The following ATP6V1A variants were observed in gnomAD, a reference collection of about 807,000 sequenced individuals.
ATP6V1A encodes ATPase H+ transporting V1 subunit A.
In ATP6V1A, 18 loss-of-function variants were observed where a neutral mutation model predicts 70.1. That is an observed-to-expected ratio of 0.26 (90% CI 0.18 to 0.38). The LOEUF (loss-of-function observed/expected upper bound fraction) is 0.38, where lower values mean the gene tolerates loss of function less well. Ranked by LOEUF, ATP6V1A falls within the 10% of genes least tolerant of loss-of-function variation. ATP6V1A has a pLI of 1.00. For synonymous variants in ATP6V1A, 232 were observed against 253.8 expected (o/e 0.91, Z 0.82); for missense variants, 424 against 772.4 (o/e 0.55, Z 5.35).
At chr3:113,788,917 CTCA>C (rs1408174983) in intron 7 of ATP6V1A, 42 bp downstream of exon 7, 3 of 1,549,944 alleles carry the variant, frequency 1.9e-6, no homozygotes. Flanking sequence ...GAAAATACCA[CTCA>C]TCAGTGTTCA....
intron 8 of ATP6V1A, 131 bp downstream of exon 8, chr3:113,789,971 T>TA: frequency 1.6e-6 from 1 of 645,120 alleles, no homozygotes; most frequent in Non-Finnish European, 2.5e-6. Flanking sequence ...TCCTAGCTTT[T>TA]AAAAAATATT....
At chr3:113,781,279 G>A in intron 3 of ATP6V1A, 101 bp downstream of exon 3, 1 of 1,330,570 alleles carries the variant, frequency 7.5e-7, no homozygotes, top group Non-Finnish European at 9.9e-7. Flanking sequence ...AGCACTTTGG[G>A]AGGCAGGCAG....
chr3:113,752,265 G>A (rs537620824), intron 1 of ATP6V1A, among the ~76,000 whole-genome samples: 89 of 151,830 alleles, frequency 5.9e-4, no homozygotes, highest in Middle Eastern at 3.4e-3. Flanking sequence ...TTAGTTCTTA[G>A]TTTAATTTTT....
At chr3:113,800,180 C>T (rs368116021) in intron 12 of ATP6V1A, among the ~76,000 whole-genome samples, 27 of 149,526 alleles carry the variant, frequency 1.8e-4, no homozygotes, top group African/African-American at 6.4e-4. Flanking sequence ...TGCAGTGAGC[C>T]GAAATCACGC....
At chr3:113,807,899 C>T (rs951322384) in intron 14 of ATP6V1A, among the ~76,000 whole-genome samples, 2 of 151,854 alleles carry the variant, frequency 1.3e-5, no homozygotes, top group African/African-American at 2.4e-5. Context: ...TTTGGCAGGC[C>T]GAGGCGGGTG....
At position 113,789,752 on chromosome 3, in the gene ATP6V1A, T is replaced by A; in HGVS notation, c.900T>A (p.Gly300=). Residue 300 remains glycine, a synonymous_variant, in exon 8 of 15, where the codon GGT becomes GGA. Transcript: ENST00000273398. Reference sequence around the variant, plus strand: ...TCTAGCTCACAATGGAGGTTGATGGTAAGGTAGAGTCAATTATGAAGAGGA... The same window carrying A: ...TCTAGCTCACAATGGAGGTTGATGGAAAGGTAGAGTCAATTATGAAGAGGA... ...DFPELTMEVD[G]KVESIMKRTA... 6.2e-7 allele frequency: 1 copy of A among 1,611,320 alleles called. No individual in the cohort carries two copies. Among genetic ancestry groups the A allele is most frequent in the Non-Finnish European group, 8.5e-7 (1 of 1,177,654 alleles).
At chr3:113,779,755 C>T (rs1708958200) in intron 2 of ATP6V1A, among the ~76,000 whole-genome samples, 2 of 152,120 alleles carry the variant, frequency 1.3e-5, no homozygotes, top group South Asian at 4.1e-4. Context: ...ACCCAAGAAC[C>T]TTTAGAGAAA....
chr3:113,762,571 A>G (rs1180892024), intron 1 of ATP6V1A, among the ~76,000 whole-genome samples: 1 of 152,144 alleles, frequency 6.6e-6, no homozygotes, highest in African/African-American at 2.4e-5. Flanking sequence ...TCCATCTCAA[A>G]AAAAAAAATG....
intron 12 of ATP6V1A, chr3:113,803,179 G>C (rs1306631370): frequency 6.1e-6 from 1 of 163,778 alleles, no homozygotes; most frequent in African/African-American, 2.4e-5. Context: ...GACAAACACT[G>C]TATGATTTCA....
At chr3:113,775,572 G>GT (rs1708901790) in intron 1 of ATP6V1A, among the ~76,000 whole-genome samples, 1 of 130,206 alleles carries the variant, frequency 7.7e-6, no homozygotes, top group African/African-American at 2.9e-5. Context: ...TCGCAAGTCT[G>GT]GTGGGTAGGT....
intron 3 of ATP6V1A, among the ~76,000 whole-genome samples, chr3:113,782,573 C>T (rs2465281): frequency 0.38 from 53,603 of 140,910 alleles, 10,200 homozygotes; most frequent in African/African-American, 0.45. Flanking sequence ...TATATATATA[C>T]GTATATATAT....
At chr3:113,779,992 A>C (rs1424522654) in intron 2 of ATP6V1A, among the ~76,000 whole-genome samples, 2 of 152,142 alleles carry the variant, frequency 1.3e-5, no homozygotes, top group Non-Finnish European at 2.9e-5. Context: ...CACGTGCGTT[A>C]GGTATTTGTC....
intron 1 of ATP6V1A, among the ~76,000 whole-genome samples, chr3:113,747,741 CAG>C (rs1485804487): frequency 6.6e-6 from 1 of 152,218 alleles, no homozygotes; most frequent in African/African-American, 2.4e-5. Context: ...TTCTTCTCTG[CAG>C]AGAGGACAGT....
Position 113,751,851 on chromosome 3 carries a change from G to T in ATP6V1A, c.-14+4738G>T, listed in dbSNP as rs112420032. ...TTAGAATAATGATTTATTTACATTT[G>T]AAACTCCTCTTTCTGTATATTTCTT... On this transcript the variant is annotated intron_variant, in intron 1 of 14. Transcript: ENST00000273398. Among the ~76,000 whole-genome samples, 542 of 151,824 alleles carry T rather than the reference G, an allele frequency of 3.6e-3. 2 individuals are homozygous for T. The highest frequency in any genetic ancestry group is 0.013 in the African/African-American group (519 of 41,506).
intron 12 of ATP6V1A, 116 bp downstream of exon 12, chr3:113,798,562 T>A: frequency 1.2e-6 from 1 of 865,426 alleles, no homozygotes; most frequent in Non-Finnish European, 1.6e-6. Context: ...ATTTATTAAA[T>A]ATTTTTAATT....
At chr3:113,749,427 G>T (rs1708561008) in intron 1 of ATP6V1A, among the ~76,000 whole-genome samples, 3 of 152,062 alleles carry the variant, frequency 2.0e-5, no homozygotes, top group African/African-American at 7.2e-5. Context: ...AAGCATAAGG[G>T]TTTGGTTTTA....
Position 113,786,221 on chromosome 3 carries a change from T to C in ATP6V1A, c.565-11T>C, listed in dbSNP as rs755119824. 12 of 1,596,204 alleles carry C rather than the reference T, an allele frequency of 7.5e-6. No individual in the cohort carries two copies. In the South Asian group the frequency reaches 1.4e-4, roughly 18 times the overall value. On this transcript the variant is annotated splice_polypyrimidine_tract_variant and intron_variant, in intron 5 of 14. Coordinates refer to ENST00000273398, the MANE Select transcript of ATP6V1A (RefSeq NM_001690.4). ...ATTTGACCATACTAAAATCCTACTG[T>C]ATTTCTATAGGATGTTGTCTTGGAG...
chr3:113,784,188 C>T, intron 3 of ATP6V1A, 36 bp from the exon 4 acceptor site: 1 of 1,572,520 alleles, frequency 6.4e-7, no homozygotes, highest in Non-Finnish European at 8.7e-7. Flanking sequence ...TGTCTTTAAA[C>T]CTTCATAGTA....
At chr3:113,798,197 T>G (rs1264025695) in intron 11 of ATP6V1A, 46 bp from the exon 12 acceptor site, 15 of 1,593,510 alleles carry the variant, frequency 9.4e-6, no homozygotes, top group Non-Finnish European at 4.3e-6. Context: ...TAACTTTGTT[T>G]TTTGAGAAAA....
Sources: gnomAD v4.1 joint callset for allele counts (sites outside exome capture counted in the v4.1 genomes callset) on GRCh38, gnomAD v4.1.1 for gene constraint, MANE v1.5 for transcripts, NCBI Gene and HGNC (gene_info 2026-07-23, HGNC 2026-07-21) for gene names.